The following NOS1AP variants were observed in gnomAD, a reference collection of about 807,000 sequenced individuals.
NOS1AP encodes the protein carboxyl-terminal PDZ ligand of neuronal nitric oxide synthase protein.
NOS1AP carries 21 observed loss-of-function variants against 56.2 expected under a neutral mutation model. That is an observed-to-expected ratio of 0.37 (90% CI 0.26 to 0.54). NOS1AP has a LOEUF of 0.54. NOS1AP is among the 20% of genes least tolerant of loss of function. The probability of loss-of-function intolerance (pLI) is 0.84; values close to 1 mark genes in which losing one functional copy is unlikely to be tolerated. For missense variants in NOS1AP, 522 were observed against 657.8 expected, an observed-to-expected ratio of 0.79 and a Z score of 2.26; for synonymous variants, 270 against 274.6, an observed-to-expected ratio of 0.98 and a Z score of 0.17.
chr1:162,313,779 A>G lies in NOS1AP; in HGVS notation c.344+13073A>G, dbSNP rs551367800. ...ACTAGTGGTGTCTGAATATAGAGTA[A>G]ATGAGGGAGGGAAAGGAGGCCCCAG... On this transcript the variant is annotated intron_variant, in intron 4 of 9. Coordinates refer to ENST00000361897, the MANE Select transcript of NOS1AP (RefSeq NM_014697.3). Among the ~76,000 whole-genome samples the G allele has an allele frequency of 3.5e-4, 54 of 152,260 alleles. No individual in the cohort carries two copies. In the South Asian group the frequency reaches 6.2e-3, roughly 18 times the overall value.
At chr1:162,105,997 G>A (rs180672396) in intron 1 of NOS1AP, among the ~76,000 whole-genome samples, 1 of 152,166 alleles carries the variant, frequency 6.6e-6, no homozygotes. Flanking sequence ...TGCCATGGAT[G>A]CCGGGGCCAG....
At chr1:162,263,396 G>C (rs1654301921) in intron 2 of NOS1AP, among the ~76,000 whole-genome samples, 1 of 152,170 alleles carries the variant, frequency 6.6e-6, no homozygotes, top group South Asian at 2.1e-4. Context: ...AGCCCTTTTT[G>C]TAACAGCATC....
intron 1 of NOS1AP, among the ~76,000 whole-genome samples, chr1:162,101,196 C>G (rs1481947939): frequency 6.6e-6 from 1 of 152,150 alleles, no homozygotes; most frequent in Non-Finnish European, 1.5e-5. Context: ...AATAGGGAAT[C>G]TTTTCCCCAT....
chr1:162,221,963 A>T (rs1466445878), intron 2 of NOS1AP, among the ~76,000 whole-genome samples: 1 of 152,228 alleles, frequency 6.6e-6, no homozygotes, highest in Non-Finnish European at 1.5e-5. Context: ...ATTATAATTT[A>T]TTTAATCATT....
intron 2 of NOS1AP, among the ~76,000 whole-genome samples, chr1:162,276,171 T>C (rs114958166): frequency 0.025 from 3,824 of 152,066 alleles, 68 homozygotes; most frequent in Non-Finnish European, 0.038. Flanking sequence ...TGGGGATGAG[T>C]TGGGTTATGG....
chr1:162,070,061 C>G lies in NOS1AP; in HGVS notation c.-117C>G. On this transcript the variant is annotated 5_prime_UTR_variant, in exon 1 of 10. Transcript: ENST00000361897. Reference sequence around the variant, plus strand: ...CGCGGCCAGGGCTCCCCCTGCCCAGCGCTCCCAGGCCCCGCCACGCGTCGC... The same window carrying G: ...CGCGGCCAGGGCTCCCCCTGCCCAGGGCTCCCAGGCCCCGCCACGCGTCGC... 4.0e-6 allele frequency: 3 copies of G among 753,556 alleles called. No homozygotes were observed. In the Admixed American group the frequency reaches 7.4e-5, roughly 19 times the overall value. The allele number at this position is 753,556 out of a possible 1,614,324, so 46.7% of individuals were successfully genotyped here. A position where few individuals can be genotyped will look rare whatever the true frequency, so the allele number is the denominator to read the frequency against.
chr1:162,114,748 T>G (rs929150535), intron 1 of NOS1AP, among the ~76,000 whole-genome samples: 4 of 152,330 alleles, frequency 2.6e-5, no homozygotes, highest in Middle Eastern at 3.4e-3. Flanking sequence ...CCTGCCTACC[T>G]GCAGCATCGT....
At chr1:162,262,981 C>G (rs896836771) in intron 2 of NOS1AP, among the ~76,000 whole-genome samples, 1 of 152,204 alleles carries the variant, frequency 6.6e-6, no homozygotes, top group Non-Finnish European at 1.5e-5. Context: ...AATAATTCTT[C>G]TTAAAGTAAC....
intron 4 of NOS1AP, among the ~76,000 whole-genome samples, chr1:162,316,622 C>T (rs1366918233): frequency 2.6e-5 from 4 of 152,240 alleles, no homozygotes; most frequent in East Asian, 1.9e-4. Flanking sequence ...GACTGAGTCC[C>T]AAAAGAGAGT....
intron 1 of NOS1AP, among the ~76,000 whole-genome samples, chr1:162,143,077 G>A (rs1378182467): frequency 6.6e-6 from 1 of 152,062 alleles, no homozygotes; most frequent in Non-Finnish European, 1.5e-5. Context: ...GGAGGCAAAT[G>A]TGACAGGGTG....
Position 162,365,564 on chromosome 1 carries a change from A to G in NOS1AP, c.1100A>G (p.Asn367Ser), listed in dbSNP as rs1316683448. ...QELELKLSGQ[N>S]AMGSQDSLLE... ...CTGGAACTGAAGCTGTCAGGACAGAACGCCAGTAAGCCAGTGCCCTGCCCA... is the reference window on the plus strand; with the variant it reads ...CTGGAACTGAAGCTGTCAGGACAGAGCGCCAGTAAGCCAGTGCCCTGCCCA... Residue 367 changes from asparagine (N) to serine (S), a missense_variant, in exon 9 of 10, where the codon AAC becomes AGC. Coordinates refer to ENST00000361897, the MANE Select transcript of NOS1AP (RefSeq NM_014697.3). 6.2e-7 allele frequency: 1 copy of G among 1,611,244 alleles called. No homozygotes were observed. Among genetic ancestry groups the G allele is most frequent in the Non-Finnish European group, 8.5e-7 (1 of 1,180,022 alleles).
chr1:162,243,933 T>C (rs1159748416), intron 2 of NOS1AP, among the ~76,000 whole-genome samples: 1 of 152,152 alleles, frequency 6.6e-6, no homozygotes, highest in African/African-American at 2.4e-5. Context: ...CTGTGGCCTG[T>C]CATTTGAGGG....
chr1:162,158,706 C>T (rs1026177204), intron 2 of NOS1AP, among the ~76,000 whole-genome samples: 1 of 152,188 alleles, frequency 6.6e-6, no homozygotes, highest in Non-Finnish European at 1.5e-5. Context: ...TTCCCCCTCT[C>T]TGTGCCAACT....
At chr1:162,287,852 G>T (rs1655141600) in intron 3 of NOS1AP, among the ~76,000 whole-genome samples, 1 of 152,214 alleles carries the variant, frequency 6.6e-6, no homozygotes, top group Non-Finnish European at 1.5e-5. Context: ...CCATCCTTCA[G>T]TCCCACCCCA....
intron 2 of NOS1AP, among the ~76,000 whole-genome samples, chr1:162,251,388 C>G (rs775168992): frequency 6.6e-6 from 1 of 152,078 alleles, no homozygotes; most frequent in Non-Finnish European, 1.5e-5. Context: ...TATGAGTCAA[C>G]GTTTTATGTG....
intron 1 of NOS1AP, among the ~76,000 whole-genome samples, chr1:162,144,817 C>T (rs963547354): frequency 3.9e-5 from 6 of 152,158 alleles, no homozygotes; most frequent in Non-Finnish European, 7.4e-5. Context: ...TGCTGTACCC[C>T]TCAGATCCTC....
intron 2 of NOS1AP, among the ~76,000 whole-genome samples, chr1:162,228,809 A>T (rs1275837167): frequency 6.6e-6 from 1 of 152,256 alleles, no homozygotes; most frequent in East Asian, 1.9e-4. Flanking sequence ...GGCAGTCAAT[A>T]AAACATTACC....
chr1:162,348,311 G>A (rs1657369628), intron 6 of NOS1AP, among the ~76,000 whole-genome samples: 1 of 152,194 alleles, frequency 6.6e-6, no homozygotes, highest in Non-Finnish European at 1.5e-5. Flanking sequence ...GGTGTCAGGG[G>A]AGCAGGTAGA....
intron 2 of NOS1AP, 75 bp from the exon 3 acceptor site, chr1:162,287,269 T>G: frequency 4.7e-6 from 5 of 1,072,312 alleles, no homozygotes; most frequent in Non-Finnish European, 5.8e-6. Flanking sequence ...TTTCCAGGCA[T>G]GGGCTAGCTG....
Sources: allele counts gnomAD v4.1 joint callset (sites outside exome capture counted in the v4.1 genomes callset), GRCh38; gene constraint gnomAD v4.1.1; transcripts MANE v1.5; gene names NCBI Gene and HGNC (gene_info 2026-07-23, HGNC 2026-07-21).